Variants in NKAIN2 observed in about 807,000 individuals in gnomAD.
The protein encoded by NKAIN2 is sodium/potassium transporting ATPase interacting 2, also known as sodium/potassium-transporting ATPase subunit beta-1-interacting protein 2.
In NKAIN2, 14 loss-of-function variants were observed where a neutral mutation model predicts 32.6. The observed-to-expected ratio is 0.43, with a 90% confidence interval of 0.28 to 0.67. The LOEUF is 0.67. Among genes scored for constraint, NKAIN2 ranks in the 30% least tolerant of loss-of-function variants. The pLI, the probability that NKAIN2 is intolerant of heterozygous loss-of-function variation, is 0.17. For synonymous variants in NKAIN2, 80 were observed against 87.2 expected (o/e 0.92, Z 0.46); for missense variants, 198 against 258.3 (o/e 0.77, Z 1.60).
chr6:123,966,957 C>A (rs1778109077), intron 1 of NKAIN2, among the ~76,000 whole-genome samples: 1 of 152,130 alleles, frequency 6.6e-6, no homozygotes, highest in Admixed American at 6.6e-5. Context: ...ACATAGTTAA[C>A]ATAAACATTA....
At chr6:124,545,060 G>C (rs530241696) in intron 3 of NKAIN2, among the ~76,000 whole-genome samples, 1 of 152,114 alleles carries the variant, frequency 6.6e-6, no homozygotes, top group Non-Finnish European at 1.5e-5. Context: ...TTAGGAAACC[G>C]TAAGGCCTCA....
chr6:124,385,701 A>G (rs1772867907), intron 3 of NKAIN2, among the ~76,000 whole-genome samples: 1 of 152,108 alleles, frequency 6.6e-6, no homozygotes, highest in Non-Finnish European at 1.5e-5. Context: ...ATAGGTGAAC[A>G]CATCTATCTT....
intron 1 of NKAIN2, among the ~76,000 whole-genome samples, chr6:123,913,844 A>G (rs931860546): frequency 6.6e-6 from 1 of 152,182 alleles, no homozygotes; most frequent in Non-Finnish European, 1.5e-5. Flanking sequence ...TCATATGATT[A>G]TAGATTAATC....
In NKAIN2 at chr6:123,871,921, T is replaced by G. The variant is rs113205640; in HGVS notation, c.54+67667T>G. ...CTTATAATCTCACATGAAAAACACCTGTAATGCATCATCTATAATTTGTGT... is the reference window on the plus strand; with the variant it reads ...CTTATAATCTCACATGAAAAACACCGGTAATGCATCATCTATAATTTGTGT... On this transcript the variant is annotated intron_variant, in intron 1 of 6. Coordinates refer to ENST00000368417, the MANE Select transcript of NKAIN2 (RefSeq NM_001040214.3). Among the ~76,000 whole-genome samples the G allele has an allele frequency of 8.5e-3, 1,298 of 152,330 alleles. 14 individuals carry two copies. Among genetic ancestry groups the G allele is most frequent in the African/African-American group, 0.029 (1,214 of 41,580 alleles).
At chr6:124,632,610 T>C (rs1397528667) in intron 3 of NKAIN2, among the ~76,000 whole-genome samples, 1 of 152,244 alleles carries the variant, frequency 6.6e-6, no homozygotes, top group Non-Finnish European at 1.5e-5. Context: ...ATTCTTTTTG[T>C]ACAGTGACCT....
chr6:123,987,637 A>G (rs1355287894), intron 1 of NKAIN2, among the ~76,000 whole-genome samples: 1 of 152,174 alleles, frequency 6.6e-6, no homozygotes, highest in Non-Finnish European at 1.5e-5. Context: ...TTGTAAGTCT[A>G]AGGTTCTCCT....
intron 1 of NKAIN2, among the ~76,000 whole-genome samples, chr6:123,953,131 C>T (rs1276337533): frequency 6.6e-6 from 1 of 152,076 alleles, no homozygotes; most frequent in Non-Finnish European, 1.5e-5. Context: ...CTTATCATTC[C>T]TTTGGTTGTT....
chr6:124,822,855 C>T (rs1582585256), intron 6 of NKAIN2, among the ~76,000 whole-genome samples: 1 of 152,024 alleles, frequency 6.6e-6, no homozygotes, highest in African/African-American at 2.4e-5. Context: ...TACCAGAGAC[C>T]TATGTGACTG....
chr6:123,919,338 A>G (rs1775638769), intron 1 of NKAIN2, among the ~76,000 whole-genome samples: 1 of 152,044 alleles, frequency 6.6e-6, no homozygotes, highest in Non-Finnish European at 1.5e-5. Context: ...ATTTTCCCAA[A>G]TGTTTATTAA....
chr6:124,531,875 T>G (rs1270301168), intron 3 of NKAIN2, among the ~76,000 whole-genome samples: 1 of 152,188 alleles, frequency 6.6e-6, no homozygotes, highest in Non-Finnish European at 1.5e-5. Context: ...TTCACCATGT[T>G]GGCAAAGCTG....
intron 2 of NKAIN2, among the ~76,000 whole-genome samples, chr6:124,313,067 A>C (rs1164919286): frequency 6.6e-6 from 1 of 152,138 alleles, no homozygotes; most frequent in Non-Finnish European, 1.5e-5. Context: ...CCATGGGAAA[A>C]AAAACCATTT....
At chr6:124,238,717 C>T (rs1792913696) in intron 1 of NKAIN2, among the ~76,000 whole-genome samples, 1 of 152,124 alleles carries the variant, frequency 6.6e-6, no homozygotes. Flanking sequence ...CCTTTAGAGA[C>T]AAGCAAATGC....
chr6:124,127,329 A>G (rs1786224131), intron 1 of NKAIN2, among the ~76,000 whole-genome samples: 1 of 152,202 alleles, frequency 6.6e-6, no homozygotes, highest in Admixed American at 6.5e-5. Flanking sequence ...ACTACCTAGT[A>G]TAAAGGCTTC....
At chr6:124,272,391 G>A (rs1157351833) in intron 1 of NKAIN2, among the ~76,000 whole-genome samples, 1 of 152,212 alleles carries the variant, frequency 6.6e-6, no homozygotes, top group Non-Finnish European at 1.5e-5. Context: ...TTGCTTCAGA[G>A]TGTTCAAAAC....
intron 1 of NKAIN2, among the ~76,000 whole-genome samples, chr6:124,047,517 A>G (rs989023336): frequency 6.6e-5 from 10 of 151,958 alleles, no homozygotes; most frequent in Non-Finnish European, 1.5e-4. Context: ...TGGACCCTAC[A>G]CTAACACACA....
chr6:123,978,619 G>T (rs1307109450), intron 1 of NKAIN2, among the ~76,000 whole-genome samples: 1 of 151,996 alleles, frequency 6.6e-6, no homozygotes, highest in African/African-American at 2.4e-5. Context: ...AAAAACAAAA[G>T]AATAAAGTAA....
At chr6:124,030,062 A>AAAAC (rs1781338839) in intron 1 of NKAIN2, among the ~76,000 whole-genome samples, 1 of 150,858 alleles carries the variant, frequency 6.6e-6, no homozygotes, top group South Asian at 2.1e-4. Context: ...ACAAACAAAC[A>AAAAC]AAACAAAAAC....
intron 1 of NKAIN2, among the ~76,000 whole-genome samples, chr6:124,247,048 G>T (rs1424533317): frequency 6.6e-6 from 1 of 151,936 alleles, no homozygotes; most frequent in African/African-American, 2.4e-5. Context: ...TTCAGAACCA[G>T]CAGGGAGATA....
chr6:123,814,354 G>A (rs541990220), intron 1 of NKAIN2, among the ~76,000 whole-genome samples: 55 of 152,178 alleles, frequency 3.6e-4, no homozygotes, highest in South Asian at 2.7e-3. Flanking sequence ...TTAGAGATAC[G>A]GGGCAATGCA....
Sources: gnomAD v4.1 joint callset for allele counts (sites outside exome capture counted in the v4.1 genomes callset) on GRCh38, gnomAD v4.1.1 for gene constraint, MANE v1.5 for transcripts, NCBI Gene and HGNC (gene_info 2026-07-23, HGNC 2026-07-21) for gene names.